The following IGSF3 variants were observed in gnomAD, a reference collection of about 807,000 sequenced individuals.
IGSF3 encodes immunoglobulin superfamily member 3.
A neutral mutation model predicts 114.4 loss-of-function variants in IGSF3; 23 were observed. That is an observed-to-expected ratio of 0.20 (90% CI 0.14 to 0.28). The LOEUF is 0.28. Ranked by LOEUF, IGSF3 falls within the 10% of genes least tolerant of loss-of-function variation. The pLI, the probability that IGSF3 is intolerant of heterozygous loss-of-function variation, is 1.00. For synonymous variants in IGSF3, 571 were observed against 645.2 expected, an observed-to-expected ratio of 0.88 and a Z score of 1.74; for missense variants, 1,172 against 1,591.5, an observed-to-expected ratio of 0.74 and a Z score of 4.48.
rs531326462 is a variant in IGSF3 at position 116,577,443 on chromosome 1, G to A, written c.3454C>T (p.Arg1152Trp). ...CCATCAGAGTTCTTGCTGGAGTTCC[G>A]GCTCTTGAAACGCACCAGAAGGATG... ...ITILLVRFKS[R>W]NSSKNSDGKN... The change falls in exon 11 of 11, where the codon CGG becomes TGG. Residue 1152 changes from arginine to tryptophan, a missense_variant. By Grantham distance (101) the Arg-to-Trp change is moderately radical. Around this residue, in one of 3 missense-constraint regions of IGSF3, gnomAD observed 423 missense variants for 509.8 expected, o/e 0.83. Coordinates refer to ENST00000369486, the MANE Select transcript of IGSF3 (RefSeq NM_001007237.3). The surrounding 1 kb of genome is among the most constrained non-coding windows in gnomAD (Gnocchi z 5.7). 17 of 1,614,142 alleles carry A rather than the reference G, an allele frequency of 1.1e-5. No individual in the cohort carries two copies. The highest frequency in any genetic ancestry group is 2.2e-5 in the South Asian group (2 of 91,074).
intron 4 of IGSF3, among the ~76,000 whole-genome samples, chr1:116,609,660 AGACGTTT>A (rs1387988708): frequency 6.6e-6 from 1 of 152,082 alleles, no homozygotes; most frequent in Admixed American, 6.5e-5. Flanking sequence ...CCCATGGCAG[AGACGTTT>A]GAATTCCATG....
intron 2 of IGSF3, among the ~76,000 whole-genome samples, chr1:116,631,456 G>A (rs1258219084): frequency 1.3e-5 from 2 of 152,140 alleles, no homozygotes; most frequent in African/African-American, 4.8e-5. Flanking sequence ...TGGGAAAGGG[G>A]CCCTGGCAGA....
rs1660826011 is a variant in IGSF3 at position 116,607,308 on chromosome 1, T to C, written c.1222+634A>G. On this transcript the variant is annotated intron_variant, in intron 5 of 10. Coordinates refer to ENST00000369486, the MANE Select transcript of IGSF3 (RefSeq NM_001007237.3). The surrounding 1 kb of genome is among the most constrained non-coding windows in gnomAD (Gnocchi z 6.1). ...CCACTACCCACCCACACAAGGCCAGTCTACATGAAGGCTGGGGAGCCCACT... is the reference window on the plus strand; with the variant it reads ...CCACTACCCACCCACACAAGGCCAGCCTACATGAAGGCTGGGGAGCCCACT... Among the ~76,000 whole-genome samples the C allele has an allele frequency of 1.1e-5, 1 of 90,942 alleles. No individual in the cohort carries two copies. The highest frequency in any genetic ancestry group is 7.1e-5 in the African/African-American group (1 of 14,168). 59.7% of individuals were successfully genotyped at this position (90,942 alleles called of 152,430 possible).
rs1327904478 is a variant in IGSF3, at chr1:116,579,538, T to C, written c.3188A>G (p.Tyr1063Cys). Residue 1063 changes from tyrosine to cysteine, a missense_variant, in exon 10 of 11, where the codon TAC (tyrosine) becomes TGC (cysteine). By Grantham distance (194) the Tyr-to-Cys change is radical. Around this residue, in one of 3 missense-constraint regions of IGSF3, gnomAD observed 423 missense variants for 509.8 expected, o/e 0.83. Transcript: ENST00000369486. The surrounding 1 kb of genome is among the most constrained non-coding windows in gnomAD (Gnocchi z 6.4). ...GCTTGCCTGCAGCACTGTGAGCCGG[T>C]AGAGCACCGGGGAGAGCCTCTGGAA... Reference protein sequence around the residue: ...LRFQRLSPVLYRLTVLQASPQ... With the variant: ...LRFQRLSPVLCRLTVLQASPQ... 2 of 1,614,062 alleles carry C rather than the reference T, an allele frequency of 1.2e-6. No individual in the cohort carries two copies. Among genetic ancestry groups the C allele is most frequent in the Admixed American group, 1.7e-5 (1 of 60,006 alleles).
chr1:116,606,825 T>C (rs1660810151), intron 5 of IGSF3, among the ~76,000 whole-genome samples: 1 of 152,208 alleles, frequency 6.6e-6, no homozygotes, highest in Non-Finnish European at 1.5e-5. Flanking sequence ...CAAAGCACCA[T>C]GCTAGGCATT....
intron 2 of IGSF3, among the ~76,000 whole-genome samples, chr1:116,660,559 A>G (rs1299484925): frequency 7.3e-6 from 1 of 136,182 alleles, no homozygotes; most frequent in East Asian, 2.1e-4. Flanking sequence ...ATCTCAGCTC[A>G]TGGCAACCTC....
chr1:116,646,314 G>A (rs541313894), intron 2 of IGSF3, among the ~76,000 whole-genome samples: 4 of 152,204 alleles, frequency 2.6e-5, no homozygotes, highest in East Asian at 1.9e-4. Flanking sequence ...CGCCATTATC[G>A]TTATTTTTAG....
In IGSF3 at chr1:116,589,125, C is replaced by T. The variant is rs557463998; in HGVS notation, c.2030-21G>A. On this transcript the variant is annotated intron_variant, in intron 7 of 10. Transcript: ENST00000369486. This position sits in a 1 kb window ranked among gnomAD's most constrained non-coding sequence, Gnocchi z 5.7. The stretch of plus-strand genomic sequence containing the variant: ...TGTCACTGCAAAGGAAAGGGGAACA[C>T]AGGAATCACCACAGACTCCCAGAAA... 20 of 1,597,086 alleles carry T rather than the reference C, an allele frequency of 1.3e-5. No homozygotes were observed. In the African/African-American group the frequency reaches 2.0e-4, roughly 16 times the overall value.
chr1:116,575,561 C>G lies in IGSF3; in HGVS notation c.*1751G>C, dbSNP rs1003005101. 1.6e-4 allele frequency: 25 copies of G among 152,280 alleles called. No individual in the cohort carries two copies. The highest frequency in any genetic ancestry group is 4.8e-4 in the African/African-American group (20 of 41,464). 9.4% of individuals were successfully genotyped at this position (152,280 alleles called of 1,614,324 possible). On this transcript the variant is annotated 3_prime_UTR_variant, in exon 11 of 11. Coordinates refer to ENST00000369486, the MANE Select transcript of IGSF3 (RefSeq NM_001007237.3). The surrounding 1 kb of genome is among the most constrained non-coding windows in gnomAD (Gnocchi z 5.6). ...TGGCCTCCCCTGCAGTCTGCTCGTT[C>G]TCAGAACAGGGCTTCACTGGAATCT...
In IGSF3 at chr1:116,592,905, A is replaced by G. The variant is rs147939864; in HGVS notation, c.2030-3801T>C. Among the ~76,000 whole-genome samples, 760 of 152,280 alleles carry G rather than the reference A, an allele frequency of 5.0e-3. 2 individuals are homozygous for G. The highest frequency in any genetic ancestry group is 0.017 in the African/African-American group (707 of 41,540). ...TTCTGATTTTGATAGAAAAGAGAACATTTCAAAAGGTATATGGCCCCTGAG... is the reference window on the plus strand; with the variant it reads ...TTCTGATTTTGATAGAAAAGAGAACGTTTCAAAAGGTATATGGCCCCTGAG... On this transcript the variant is annotated intron_variant, in intron 7 of 10. Coordinates refer to ENST00000369486, the MANE Select transcript of IGSF3 (RefSeq NM_001007237.3). The surrounding 1 kb of genome is among the most constrained non-coding windows in gnomAD (Gnocchi z 4.5).
At chr1:116,631,248 G>A (rs932763104) in intron 2 of IGSF3, among the ~76,000 whole-genome samples, 1 of 150,420 alleles carries the variant, frequency 6.6e-6, no homozygotes, top group African/African-American at 2.5e-5. Flanking sequence ...AACCCAGGAG[G>A]CGGAGCTTGC....
At chr1:116,635,291 C>A (rs572577293) in intron 2 of IGSF3, among the ~76,000 whole-genome samples, 46 of 152,344 alleles carry the variant, frequency 3.0e-4, no homozygotes, top group African/African-American at 1.1e-3. Context: ...AACAAATTCA[C>A]TGTGACGGTC....
Position 116,595,978 on chromosome 1 carries a change from T to C in IGSF3, c.2029+3963A>G, listed in dbSNP as rs1277723262. Among the ~76,000 whole-genome samples the C allele has an allele frequency of 4.6e-5, 7 of 152,216 alleles. No homozygotes were observed. Among genetic ancestry groups the C allele is most frequent in the African/African-American group, 1.4e-4 (6 of 41,448 alleles). On this transcript the variant is annotated intron_variant, in intron 7 of 10. Coordinates refer to ENST00000369486, the MANE Select transcript of IGSF3 (RefSeq NM_001007237.3). This position sits in a 1 kb window ranked among gnomAD's most constrained non-coding sequence, Gnocchi z 4.2. ...AGACTAAGCTAGATCAATGGCAACG[T>C]TGACAGTGATGGCATTCCTTGAAGA...
chr1:116,654,797 G>A lies in IGSF3; in HGVS notation c.43+11487C>T, dbSNP rs902564306. On this transcript the variant is annotated intron_variant, in intron 2 of 10. Coordinates refer to ENST00000369486, the MANE Select transcript of IGSF3 (RefSeq NM_001007237.3). The surrounding 1 kb of genome is among the most constrained non-coding windows in gnomAD (Gnocchi z 4.4). ...CAACATCCCCAGCAGTAATAAGGAC[G>A]TTCCACACACCCAGGACTTGGGATA... is the stretch of plus-strand genomic sequence containing the variant. Among the ~76,000 whole-genome samples the A allele has an allele frequency of 1.3e-5, 2 of 152,096 alleles. No homozygotes were observed. The highest frequency in any genetic ancestry group is 2.4e-5 in the African/African-American group (1 of 41,392).
chr1:116,623,341 C>T (rs569578548), intron 2 of IGSF3, among the ~76,000 whole-genome samples: 9 of 152,320 alleles, frequency 5.9e-5, no homozygotes, highest in Middle Eastern at 3.4e-3. Context: ...CCTCACTTTA[C>T]GGATGCAGAA....
At position 116,603,516 on chromosome 1, in the gene IGSF3, T is replaced by C; in HGVS notation, c.1624+108A>G. 9.5e-7 allele frequency: 1 copy of C among 1,051,402 alleles called. No homozygotes were observed. The highest frequency in any genetic ancestry group is 1.4e-6 in the Non-Finnish European group (1 of 709,408). The allele number at this position is 1,051,402 out of a possible 1,614,324, so 65.1% of individuals were successfully genotyped here. A position where few individuals can be genotyped will look rare whatever the true frequency, so the allele number is the denominator to read the frequency against. On this transcript the variant is annotated intron_variant, in intron 6 of 10. Coordinates refer to ENST00000369486, the MANE Select transcript of IGSF3 (RefSeq NM_001007237.3). This position sits in a 1 kb window ranked among gnomAD's most constrained non-coding sequence, Gnocchi z 7.1. ...ACTTCAAACTCTATAGGTAAAAGAC[T>C]GGCCATAGTTTCCTGCTAAAACTCT...
At chr1:116,640,532 GCATCA>G (rs765558944) in intron 2 of IGSF3, among the ~76,000 whole-genome samples, 1 of 152,090 alleles carries the variant, frequency 6.6e-6, no homozygotes, top group African/African-American at 2.4e-5. Context: ...GTTTAAAATG[GCATCA>G]CACTGTATGC....
rs1049547025 is a variant in IGSF3, at chr1:116,657,039, T to A, written c.43+9245A>T. 6.6e-5 allele frequency among the ~76,000 whole-genome samples: 10 copies of A among 152,214 alleles called. No individual in the cohort carries two copies. The highest frequency in any genetic ancestry group is 6.5e-4 in the Admixed American group (10 of 15,284). On this transcript the variant is annotated intron_variant, in intron 2 of 10. Coordinates refer to ENST00000369486, the MANE Select transcript of IGSF3 (RefSeq NM_001007237.3). This position sits in a 1 kb window ranked among gnomAD's most constrained non-coding sequence, Gnocchi z 4.2. ...ACGTTTACATAATACTTTACCCCAA[T>A]ACATTTTGTCTGCTGTTCTAAATCA...
chr1:116,584,945 G>C lies in IGSF3; in HGVS notation c.2548C>G (p.Leu850Val). Residue 850 changes from leucine to valine, a missense_variant, in exon 9 of 11, where the codon CTC (leucine) becomes GTC (valine). By Grantham distance (32) the Leu-to-Val change is conservative (BLOSUM62 1). This residue lies in a region of IGSF3 where 423 missense variants were observed against 509.8 expected (regional missense o/e 0.83). Coordinates refer to ENST00000369486, the MANE Select transcript of IGSF3 (RefSeq NM_001007237.3). This position sits in a 1 kb window ranked among gnomAD's most constrained non-coding sequence, Gnocchi z 5.8. ...TTCCATACAAACCATTCCACCATGAGCTGGGAGGTTATGCTGGTGCGGTTG... is the reference window on the plus strand; with the variant it reads ...TTCCATACAAACCATTCCACCATGACCTGGGAGGTTATGCTGGTGCGGTTG... ...VLNRTSITSQ[L>V]MVEWFVWKPN... 6.2e-7 allele frequency: 1 copy of C among 1,612,512 alleles called. No homozygotes were observed. Among genetic ancestry groups the C allele is most frequent in the Non-Finnish European group, 8.5e-7 (1 of 1,178,610 alleles).
Sources: gnomAD v4.1 joint callset for allele counts (sites outside exome capture counted in the v4.1 genomes callset) on GRCh38, gnomAD v4.1.1 for gene constraint, gnomAD v4.1.1 regional missense constraint, Gnocchi (gnomAD v3.1) non-coding constraint, MANE v1.5 for transcripts, NCBI Gene and HGNC (gene_info 2026-07-23, HGNC 2026-07-21) for gene names.